Variants in STRN3 observed in about 807,000 individuals in gnomAD.
STRN3 encodes striatin 3.
STRN3 carries 29 observed loss-of-function variants against 95.6 expected under a neutral mutation model. That is an observed-to-expected ratio of 0.30 (90% CI 0.23 to 0.41). STRN3 has a LOEUF of 0.41. STRN3 is among the 10% of genes least tolerant of loss of function. The pLI, the probability that STRN3 is intolerant of heterozygous loss-of-function variation, is 1.00. For synonymous variants in STRN3, 331 were observed against 357.6 expected, an observed-to-expected ratio of 0.93 and a Z score of 0.84; for missense variants, 890 against 972.1, an observed-to-expected ratio of 0.92 and a Z score of 1.12.
intron 1 of STRN3, among the ~76,000 whole-genome samples, chr14:31,016,542 AAT>A (rs150882034): frequency 8.0e-5 from 12 of 150,184 alleles, no homozygotes; most frequent in Non-Finnish European, 1.2e-4. Context: ...AAATAATAAA[AAT>A]ATATATATAT....
At chr14:31,000,376 G>A (rs2139287388) in intron 1 of STRN3, among the ~76,000 whole-genome samples, 1 of 152,132 alleles carries the variant, frequency 6.6e-6, no homozygotes, top group East Asian at 1.9e-4. Flanking sequence ...ACTGCACAAA[G>A]AGAGGAAAGG....
At chr14:30,903,276 A>C (rs1053415793) in intron 15 of STRN3, among the ~76,000 whole-genome samples, 1 of 152,178 alleles carries the variant, frequency 6.6e-6, no homozygotes, top group Non-Finnish European at 1.5e-5. Context: ...ACATATATAT[A>C]TATAGTTACC....
chr14:30,915,489 T>G (rs143086612), intron 9 of STRN3, among the ~76,000 whole-genome samples: 206 of 152,328 alleles, frequency 1.4e-3, no homozygotes, highest in African/African-American at 4.6e-3. Context: ...ATGACACTTA[T>G]TGAATCTGAA....
intron 1 of STRN3, among the ~76,000 whole-genome samples, chr14:31,017,174 T>C (rs936904352): frequency 1.3e-4 from 20 of 151,522 alleles, no homozygotes; most frequent in Non-Finnish European, 4.4e-5. Flanking sequence ...TTTTAAAAAG[T>C]GTAACAACTA....
chr14:31,025,694 C>T (rs1594607163), intron 1 of STRN3: 2 of 730,626 alleles, frequency 2.7e-6, no homozygotes, highest in Non-Finnish European at 4.3e-6. Context: ...CACCGCGTAG[C>T]CAGTGAAGGT....
At chr14:30,929,047 TACAA>T (rs559602007) in intron 8 of STRN3, among the ~76,000 whole-genome samples, 150 bp downstream of exon 8, 301 of 152,314 alleles carry the variant, frequency 2.0e-3, no homozygotes, top group African/African-American at 6.5e-3. Flanking sequence ...CTAAATTATA[TACAA>T]ACAAATTTCA....
rs1326875077 is a variant in STRN3, at chr14:31,018,083, T to A, written c.282+7821A>T. ...AACAAAATGAAACCCTGCCTCAATT[T>A]AAAAAAAAAAAAAAAGGAAATTAAT... On this transcript the variant is annotated intron_variant, in intron 1 of 17. Coordinates refer to ENST00000357479, the MANE Select transcript of STRN3 (RefSeq NM_001083893.2). 4.1e-3 allele frequency among the ~76,000 whole-genome samples: 531 copies of A among 128,620 alleles called. 2 individuals are homozygous for A. Among genetic ancestry groups the A allele is most frequent in the Admixed American group, 7.2e-3 (89 of 12,276 alleles). The allele number at this position is 128,620 out of a possible 152,430, so 84.4% of individuals were successfully genotyped here. A position where few individuals can be genotyped will look rare whatever the true frequency, so the allele number is the denominator to read the frequency against.
chr14:30,906,752 C>A (rs1896471222), intron 14 of STRN3, 125 bp downstream of exon 14: 2 of 1,102,358 alleles, frequency 1.8e-6, no homozygotes, highest in Non-Finnish European at 2.5e-6. Flanking sequence ...TTTATCCTAA[C>A]TTTTACAAAA....
At chr14:30,977,079 C>T (rs529153135) in intron 1 of STRN3, among the ~76,000 whole-genome samples, 81 of 151,338 alleles carry the variant, frequency 5.4e-4, no homozygotes, top group Non-Finnish European at 8.7e-4. Context: ...ACAAAAAATT[C>T]GCTGGGTATG....
intron 1 of STRN3, among the ~76,000 whole-genome samples, chr14:30,977,061 C>T (rs1384839328): frequency 6.6e-6 from 1 of 151,786 alleles, no homozygotes; most frequent in East Asian, 1.9e-4. Context: ...CCTGTCTCTA[C>T]TAAAAATACA....
At chr14:30,971,639 A>G (rs1354769947) in intron 1 of STRN3, among the ~76,000 whole-genome samples, 23 of 152,226 alleles carry the variant, frequency 1.5e-4, no homozygotes, top group Non-Finnish European at 1.5e-5. Context: ...TTAAAACTCA[A>G]TGTTATACCT....
intron 7 of STRN3, among the ~76,000 whole-genome samples, chr14:30,929,863 T>C (rs954739499): frequency 2.3e-4 from 33 of 145,500 alleles, no homozygotes; most frequent in Non-Finnish European, 2.4e-4. Flanking sequence ...GAATAATCCA[T>C]ACAAAGCATT....
At chr14:30,912,737 A>G (rs1269926162) in intron 10 of STRN3, among the ~76,000 whole-genome samples, 1 of 152,194 alleles carries the variant, frequency 6.6e-6, no homozygotes, top group African/African-American at 2.4e-5. Flanking sequence ...CTGTAAAGAT[A>G]GGCTGTGAAA....
chr14:30,995,086 T>C (rs1001672397), intron 1 of STRN3, among the ~76,000 whole-genome samples: 5 of 152,246 alleles, frequency 3.3e-5, no homozygotes, highest in African/African-American at 1.2e-4. Flanking sequence ...ACCGTGTTCA[T>C]TGTATGATCC....
intron 1 of STRN3, among the ~76,000 whole-genome samples, chr14:30,998,209 T>C (rs190682384): frequency 1.3e-4 from 20 of 152,310 alleles, no homozygotes; most frequent in Admixed American, 9.8e-4. Flanking sequence ...CCATCTTTAT[T>C]TGACCTGTAA....
intron 8 of STRN3, among the ~76,000 whole-genome samples, chr14:30,924,234 C>CA (rs1358132227): frequency 3.1e-4 from 2 of 6,538 alleles, no homozygotes; most frequent in Non-Finnish European, 5.9e-4. Context: ...AACAAAAAAA[C>CA]AAAAAACAAC....
Position 30,902,544 on chromosome 14 carries a change from T to C in STRN3, c.2129A>G (p.Asn710Ser). The C allele has an allele frequency of 6.3e-7, 1 of 1,590,704 alleles. No individual in the cohort carries two copies. The highest frequency in any genetic ancestry group is 8.5e-7 in the Non-Finnish European group (1 of 1,169,732). ...HEDRHIKFFD[N>S]KTGKMIHSMV... ...GAAGACAATTTGCTTACCCGTTTTA[T>C]TGTCAAAAAATTTGATGTGTCTATC... The change falls in exon 16 of 18, where the codon AAT (asparagine) becomes AGT (serine). Residue 710 changes from asparagine to serine, a missense_variant. This residue lies in a region of STRN3 where 357 missense variants were observed against 422.8 expected (regional missense o/e 0.84). Transcript: ENST00000357479.
chr14:30,953,943 C>A (rs1181451870), intron 3 of STRN3, among the ~76,000 whole-genome samples: 3 of 152,034 alleles, frequency 2.0e-5, no homozygotes, highest in African/African-American at 7.2e-5. Context: ...TATGTTATAT[C>A]CTCTTTAATA....
At chr14:31,025,729 G>A (rs1337395986) in intron 1 of STRN3, 175 bp downstream of exon 1, 25 of 871,786 alleles carry the variant, frequency 2.9e-5, no homozygotes, top group Non-Finnish European at 4.2e-5. Flanking sequence ...ATGCGGGAAA[G>A]AGGGAGGGGG....
Sources: allele counts gnomAD v4.1 joint callset (sites outside exome capture counted in the v4.1 genomes callset), GRCh38; gene constraint gnomAD v4.1.1; regional missense constraint gnomAD v4.1.1; transcripts MANE v1.5; gene names NCBI Gene and HGNC (gene_info 2026-07-23, HGNC 2026-07-21).